The following SCLT1 variants were observed in gnomAD, a reference collection of about 807,000 sequenced individuals.
SCLT1 encodes the protein sodium channel-associated protein 1.
SCLT1 carries 78 observed loss-of-function variants against 112.8 expected under a neutral mutation model. The ratio of observed to expected loss-of-function variants is 0.69; its 90% CI spans 0.58 to 0.83. The LOEUF is 0.83. Among genes scored for constraint, SCLT1 ranks in the 40% least tolerant of loss-of-function variants. SCLT1 has a pLI of 0.00. For synonymous variants in SCLT1, 257 were observed against 254.7 expected, an observed-to-expected ratio of 1.01 and a Z score of -0.09; for missense variants, 747 against 770.4, an observed-to-expected ratio of 0.97 and a Z score of 0.36.
chr4:129,004,283 G>C (rs980973128), intron 5 of SCLT1, among the ~76,000 whole-genome samples: 17 of 151,970 alleles, frequency 1.1e-4, no homozygotes, highest in African/African-American at 4.1e-4. Flanking sequence ...AGAATTATTT[G>C]CTATTTTCTT....
chr4:129,025,549 G>T (rs1477087421), intron 5 of SCLT1, among the ~76,000 whole-genome samples: 12 of 151,984 alleles, frequency 7.9e-5, no homozygotes, highest in Non-Finnish European at 1.5e-5. Context: ...CCTGAAGGAA[G>T]CACTAAACAT....
At chr4:128,950,136 G>A (rs1193316217) in intron 14 of SCLT1, among the ~76,000 whole-genome samples, 1 of 152,064 alleles carries the variant, frequency 6.6e-6, no homozygotes, top group Non-Finnish European at 1.5e-5. Flanking sequence ...TATTCATATA[G>A]TAAGTTGCTT....
chr4:128,959,805 G>T (rs1455468017), intron 11 of SCLT1, 28 bp from the exon 12 acceptor site: 2 of 1,587,922 alleles, frequency 1.3e-6, no homozygotes, highest in Non-Finnish European at 1.7e-6. Context: ...CACTGGGAAA[G>T]TTAAACTTTT....
chr4:128,881,740 G>T (rs1732644448), downstream of SCLT1, among the ~76,000 whole-genome samples: 1 of 152,018 alleles, frequency 6.6e-6, no homozygotes, highest in Non-Finnish European at 1.5e-5. Flanking sequence ...TCATTTATAA[G>T]TGAAGACTGA....
chr4:129,082,325 G>C lies in SCLT1; in HGVS notation c.83C>G (p.Ser28Cys). The C allele has an allele frequency of 6.3e-7, 1 of 1,578,512 alleles. No homozygotes were observed. The highest frequency in any genetic ancestry group is 8.7e-7 in the Non-Finnish European group (1 of 1,153,116). Residue 28 changes from serine to cysteine, a missense_variant, in exon 2 of 21, where the codon TCC becomes TGC. Ser to Cys is a moderately radical substitution (Grantham distance 112). Coordinates refer to ENST00000281142, the MANE Select transcript of SCLT1 (RefSeq NM_144643.4). ...ACATACCTGTACAGATGAATATTTG[G>C]AAAAACTTTCCATTTGATACCGCCT... ...DFRRYQMESF[S>C]KYSSVQKAVC...
intron 12 of SCLT1, among the ~76,000 whole-genome samples, chr4:128,958,921 A>G (rs1739442002): frequency 6.6e-6 from 1 of 152,178 alleles, no homozygotes; most frequent in South Asian, 2.1e-4. Context: ...AAATAAAACA[A>G]AGCATTTCCT....
intron 5 of SCLT1, among the ~76,000 whole-genome samples, chr4:129,009,625 G>A (rs2126101062): frequency 6.6e-6 from 1 of 152,090 alleles, no homozygotes; most frequent in Admixed American, 6.5e-5. Context: ...AACCATAACA[G>A]CATCTGTTAT....
intron 8 of SCLT1, among the ~76,000 whole-genome samples, chr4:128,992,580 G>C (rs772559501): frequency 9.9e-5 from 15 of 151,862 alleles, no homozygotes; most frequent in Admixed American, 7.9e-4. Flanking sequence ...GAAGGGAACT[G>C]GTATATAAAA....
At chr4:128,911,980 T>C (rs143490974) in intron 18 of SCLT1, among the ~76,000 whole-genome samples, 31 of 152,336 alleles carry the variant, frequency 2.0e-4, no homozygotes, top group African/African-American at 7.2e-4. Flanking sequence ...GGGGGAAAGC[T>C]TTGATGCTTA....
intron 5 of SCLT1, among the ~76,000 whole-genome samples, chr4:129,036,432 T>C (rs187023618): frequency 6.6e-6 from 1 of 152,204 alleles, no homozygotes; most frequent in Admixed American, 6.5e-5. Flanking sequence ...AAGCTTTATC[T>C]AAGTATATTG....
At chr4:128,992,572 A>C (rs1742667111) in intron 8 of SCLT1, among the ~76,000 whole-genome samples, 1 of 152,004 alleles carries the variant, frequency 6.6e-6, no homozygotes, top group African/African-American at 2.4e-5. Flanking sequence ...ACATGTCTGA[A>C]GGGAACTGGT....
intron 2 of SCLT1, among the ~76,000 whole-genome samples, chr4:129,070,664 C>G (rs1318204844): frequency 2.0e-5 from 3 of 152,118 alleles, no homozygotes; most frequent in East Asian, 1.9e-4. Flanking sequence ...CTTGGTTAAT[C>G]TTGTTAATGG....
intron 6 of SCLT1, among the ~76,000 whole-genome samples, chr4:129,002,270 G>T (rs1191361922): frequency 1.3e-5 from 2 of 151,762 alleles, no homozygotes; most frequent in Non-Finnish European, 2.9e-5. Flanking sequence ...ACCCATACAA[G>T]ATATGAAACA....
intron 2 of SCLT1, among the ~76,000 whole-genome samples, chr4:129,080,372 A>G (rs911405096): frequency 6.6e-6 from 1 of 152,238 alleles, no homozygotes; most frequent in African/African-American, 2.4e-5. Flanking sequence ...CACTGTTAAA[A>G]GCAGCCAGGC....
In SCLT1 at chr4:128,936,733, T is replaced by A. The variant is rs761009262; in HGVS notation, c.1751A>T (p.Gln584Leu). Residue 584 changes from glutamine to leucine, a missense_variant, in exon 18 of 21, where the codon CAA (glutamine) becomes CTA (leucine). This residue lies in a region of SCLT1 where 723 missense variants were observed against 721.3 expected (regional missense o/e 1.00). Coordinates refer to ENST00000281142, the MANE Select transcript of SCLT1 (RefSeq NM_144643.4). ...IVELRHLLAT[Q>L]QKAANRWKEE... ...TTTCCACCTATTGGCTGCCTTCTGTTGAGTCGCTAGGAGATGCCTCAGTTC... is the reference window on the plus strand; with the variant it reads ...TTTCCACCTATTGGCTGCCTTCTGTAGAGTCGCTAGGAGATGCCTCAGTTC... The A allele has an allele frequency of 6.2e-7, 1 of 1,613,110 alleles. No homozygotes were observed. Among genetic ancestry groups the A allele is most frequent in the South Asian group, 1.1e-5 (1 of 90,930 alleles).
At chr4:129,029,933 C>A (rs919761428) in intron 5 of SCLT1, among the ~76,000 whole-genome samples, 1 of 152,084 alleles carries the variant, frequency 6.6e-6, no homozygotes, top group African/African-American at 2.4e-5. Context: ...ATATTCAAGA[C>A]TTGAACTCAG....
At chr4:128,956,950 T>A (rs528037393) in intron 13 of SCLT1, 76 bp downstream of exon 13, 1 of 758,066 alleles carries the variant, frequency 1.3e-6, no homozygotes, top group African/African-American at 1.8e-5. Flanking sequence ...AATTTTAATT[T>A]ACAAATATTT....
intron 8 of SCLT1, chr4:128,997,077 A>C (rs545865617): frequency 6.6e-6 from 1 of 152,176 alleles, no homozygotes; most frequent in South Asian, 2.1e-4. Flanking sequence ...GAAGTATAAT[A>C]TAGTATCAAA....
Position 128,959,761 on chromosome 4 carries a change from G to A in SCLT1, c.886C>T (p.Gln296Ter). 6.2e-7 allele frequency: 1 copy of A among 1,612,822 alleles called. No individual in the cohort carries two copies. Among genetic ancestry groups the A allele is most frequent in the Non-Finnish European group, 8.5e-7 (1 of 1,179,400 alleles). Reference protein sequence around the residue: ...QLEIRLCVTIQEANQLRTENT... With the variant: ...QLEIRLCVTI The stretch of plus-strand genomic sequence containing the variant: ...TCGGTTCTTAATTGGTTGGCTTCTT[G>A]GATTGTCACACATAATCTAGAAATC... The change falls in exon 12 of 21, where the codon CAA (glutamine) becomes TAA (stop). Residue 296 changes from glutamine to a stop codon, truncating the protein, a stop_gained. Coordinates refer to ENST00000281142, the MANE Select transcript of SCLT1 (RefSeq NM_144643.4). LOFTEE classifies it high-confidence loss of function.
Sources: gnomAD v4.1 joint callset for allele counts (sites outside exome capture counted in the v4.1 genomes callset) on GRCh38, gnomAD v4.1.1 for gene constraint, gnomAD v4.1.1 regional missense constraint, MANE v1.5 for transcripts, NCBI Gene and HGNC (gene_info 2026-07-23, HGNC 2026-07-21) for gene names.